TNFAIP1: variants seen among roughly 807,000 people sequenced by gnomAD.
TNFAIP1 encodes TNF alpha induced protein 1.
Under a neutral mutation model 32.6 loss-of-function variants are expected in TNFAIP1, and 20 were observed. The observed-to-expected ratio is 0.61, with a 90% CI of 0.43 to 0.89. TNFAIP1 has a LOEUF of 0.89. Ranked by LOEUF, TNFAIP1 falls within the 40% of genes least tolerant of loss-of-function variation. The pLI is 0.00. For missense variants in TNFAIP1, 319 were observed against 425.1 expected (o/e 0.75, Z 2.20); for synonymous variants, 166 against 166.8 (o/e 1.00, Z 0.04).
Position 28,344,687 on chromosome 17 carries a change from C to A in TNFAIP1, c.*87C>A. Reference sequence around the variant, plus strand: ...ATTGGCCACCCCATGCTGCTGCTGCCTGGGTCTCTGCTCTAGCACCCAGAG... The same window carrying A: ...ATTGGCCACCCCATGCTGCTGCTGCATGGGTCTCTGCTCTAGCACCCAGAG... On this transcript the variant is annotated 3_prime_UTR_variant, in exon 7 of 7. Transcript: ENST00000226225. The A allele has an allele frequency of 2.2e-6, 3 of 1,353,232 alleles. No individual in the cohort carries two copies. Among genetic ancestry groups the A allele is most frequent in the Non-Finnish European group, 2.1e-6 (2 of 966,746 alleles). 83.8% of individuals were successfully genotyped at this position (1,353,232 alleles called of 1,614,324 possible).
At chr17:28,341,358 G>T (rs1275810325) in intron 4 of TNFAIP1, 32 bp downstream of exon 4, 4 of 1,614,198 alleles carry the variant, frequency 2.5e-6, no homozygotes, top group African/African-American at 1.3e-5. Flanking sequence ...GCGGGCCGGG[G>T]ATGCCAGTCC....
At chr17:28,336,460 A>G (rs1190760409) in intron 1 of TNFAIP1, 7 of 152,218 alleles carry the variant, frequency 4.6e-5, no homozygotes, top group Non-Finnish European at 8.8e-5. Context: ...CAGGGGCTCA[A>G]AGCAATTGCT....
chr17:28,342,529 A>G lies in TNFAIP1; in HGVS notation c.714+87A>G. 1.5e-6 allele frequency: 2 copies of G among 1,328,432 alleles called. No homozygotes were observed. The highest frequency in any genetic ancestry group is 2.0e-6 in the Non-Finnish European group (2 of 990,028). 82.3% of individuals were successfully genotyped at this position (1,328,432 alleles called of 1,614,324 possible). ...GTCGGGCTGTGACCAGCACGGAGCA[A>G]AAGGGGCATGGACTTGGCTCTTTTT... On this transcript the variant is annotated intron_variant, in intron 6 of 6. Coordinates refer to ENST00000226225, the MANE Select transcript of TNFAIP1 (RefSeq NM_021137.5). The surrounding 1 kb of genome is among the most constrained non-coding windows in gnomAD (Gnocchi z 4.0).
chr17:28,337,355 A>G (rs1555577570), intron 1 of TNFAIP1, among the ~76,000 whole-genome samples: 4 of 151,920 alleles, frequency 2.6e-5, no homozygotes, highest in African/African-American at 9.7e-5. Flanking sequence ...ACTTCCCCCT[A>G]CTGTCTGTGC....
At chr17:28,337,493 C>T (rs970877967) in intron 1 of TNFAIP1, among the ~76,000 whole-genome samples, 19 of 152,106 alleles carry the variant, frequency 1.2e-4, no homozygotes, top group African/African-American at 4.1e-4. Context: ...CTCAGCCTCC[C>T]GAGCAGCTGG....
chr17:28,341,177 C>T, intron 3 of TNFAIP1, 60 bp from the exon 4 acceptor site: 6 of 1,591,558 alleles, frequency 3.8e-6, no homozygotes, highest in Non-Finnish European at 5.2e-6. Context: ...CAGAGGTATA[C>T]CTCGATAAGC....
chr17:28,338,463 G>A (rs1421192648), intron 1 of TNFAIP1, among the ~76,000 whole-genome samples: 1 of 149,510 alleles, frequency 6.7e-6, no homozygotes, highest in Non-Finnish European at 1.5e-5. Flanking sequence ...GCCAAGAAAG[G>A]GGAAGGTCAG....
At chr17:28,336,163 C>T (rs572394226) in intron 1 of TNFAIP1, among the ~76,000 whole-genome samples, 9 of 152,330 alleles carry the variant, frequency 5.9e-5, no homozygotes, top group African/African-American at 1.9e-4. Context: ...CGCCGTCCTC[C>T]GTGTCTGACG....
At position 28,346,449 on chromosome 17, in the gene TNFAIP1, T is replaced by C. The variant is rs1555578973; in HGVS notation, c.*1849T>C. ...TTCCCAGCTCCCCACTGAGGTGTTG[T>C]GATGCTTGCCTTTTGACCTCCCCAT... On this transcript the variant is annotated 3_prime_UTR_variant, in exon 7 of 7. Coordinates refer to ENST00000226225, the MANE Select transcript of TNFAIP1 (RefSeq NM_021137.5). 6.6e-6 allele frequency: 1 copy of C among 152,218 alleles called. No individual in the cohort carries two copies. Among genetic ancestry groups the C allele is most frequent in the Non-Finnish European group, 1.5e-5 (1 of 68,050 alleles). The allele number at this position is 152,218 out of a possible 1,614,324, so 9.4% of individuals were successfully genotyped here. A position where few individuals can be genotyped will look rare whatever the true frequency, so the allele number is the denominator to read the frequency against.
At chr17:28,343,628 C>T (rs1416184439) in intron 6 of TNFAIP1, among the ~76,000 whole-genome samples, 6 of 151,902 alleles carry the variant, frequency 3.9e-5, no homozygotes, top group African/African-American at 7.3e-5. Context: ...GATGCTGCGA[C>T]GGAAGTGGCA....
At position 28,342,152 on chromosome 17, in the gene TNFAIP1, G is replaced by A. The variant is rs917169716; in HGVS notation, c.519-95G>A. ...TGCTTTCATTTCGGCAGGACAGGAT[G>A]GGGGAAGGGAGGGAGGGGAGGGCCC... On this transcript the variant is annotated intron_variant, in intron 5 of 6. Coordinates refer to ENST00000226225, the MANE Select transcript of TNFAIP1 (RefSeq NM_021137.5). This position sits in a 1 kb window ranked among gnomAD's most constrained non-coding sequence, Gnocchi z 4.0. 2 of 1,134,140 alleles carry A rather than the reference G, an allele frequency of 1.8e-6. No individual in the cohort carries two copies. Among genetic ancestry groups the A allele is most frequent in the South Asian group, 1.7e-5 (1 of 58,930 alleles). The allele number at this position is 1,134,140 out of a possible 1,614,324, so 70.3% of individuals were successfully genotyped here.
chr17:28,339,755 G>C (rs1555577889), intron 2 of TNFAIP1, 29 bp downstream of exon 2: 1 of 1,605,218 alleles, frequency 6.2e-7, no homozygotes, highest in Non-Finnish European at 8.5e-7. Flanking sequence ...CGCTCGGGGT[G>C]GGGAGGGCAG....
In TNFAIP1 at chr17:28,340,542, T is replaced by C; in HGVS notation, c.375+64T>C. On this transcript the variant is annotated intron_variant, in intron 3 of 6. Transcript: ENST00000226225. This position sits in a 1 kb window ranked among gnomAD's most constrained non-coding sequence, Gnocchi z 4.1. ...CAGGAGTTGCCCCCTTCTTGTGGGA[T>C]GGAGGACTCTGGTTCCTGGCAGGTT... 1 of 1,567,718 alleles carries C rather than the reference T, an allele frequency of 6.4e-7. No individual in the cohort carries two copies. The highest frequency in any genetic ancestry group is 8.7e-7 in the Non-Finnish European group (1 of 1,147,164).
chr17:28,344,742 G>A lies in TNFAIP1; in HGVS notation c.*142G>A. On this transcript the variant is annotated 3_prime_UTR_variant, in exon 7 of 7. Transcript: ENST00000226225. ...GACAGGCCCTGCTCAGAGGTCAGAG[G>A]GTCTGGGCAGAGGAGGGACCACATT... 1.2e-6 allele frequency: 1 copy of A among 819,370 alleles called. No individual in the cohort carries two copies. The highest frequency in any genetic ancestry group is 1.9e-6 in the Non-Finnish European group (1 of 515,764). 50.8% of individuals were successfully genotyped at this position (819,370 alleles called of 1,614,324 possible).
At position 28,342,055 on chromosome 17, in the gene TNFAIP1, T is replaced by A. The variant is rs1907379962; in HGVS notation, c.519-192T>A. On this transcript the variant is annotated intron_variant, in intron 5 of 6. Coordinates refer to ENST00000226225, the MANE Select transcript of TNFAIP1 (RefSeq NM_021137.5). The surrounding 1 kb of genome is among the most constrained non-coding windows in gnomAD (Gnocchi z 4.0). ...CTACTTTGACTTAAAACCAACTGAG[T>A]TCCTTTTCCTCACAGGCCCCCCAAC... Among the ~76,000 whole-genome samples, 1 of 152,134 alleles carries A rather than the reference T, an allele frequency of 6.6e-6. No individual in the cohort carries two copies. The highest frequency in any genetic ancestry group is 2.1e-4 in the South Asian group (1 of 4,826).
At position 28,344,345 on chromosome 17, in the gene TNFAIP1, T is replaced by G. The variant is rs199850799; in HGVS notation, c.715-19T>G. The G allele has an allele frequency of 6.2e-7, 1 of 1,604,580 alleles. No individual in the cohort carries two copies. Among genetic ancestry groups the G allele is most frequent in the East Asian group, 2.2e-5 (1 of 44,700 alleles). On this transcript the variant is annotated intron_variant, in intron 6 of 6. Transcript: ENST00000226225. ...TTGAAGATGAAACCTTGCTCCACCT[T>G]CTTCCTCCCTAACCCCAGGTGGAAT...
chr17:28,339,569 G>C lies in TNFAIP1; in HGVS notation c.48G>C (p.Lys16Asn). 6.2e-7 allele frequency: 1 copy of C among 1,613,350 alleles called. No individual in the cohort carries two copies. The highest frequency in any genetic ancestry group is 8.5e-7 in the Non-Finnish European group (1 of 1,179,602). ...GCCCAGCCTCAGGGGCCAAGCCCAAGCTCAGTGGCTTCAAGGGAGGAGGGT... is the reference window on the plus strand; with the variant it reads ...GCCCAGCCTCAGGGGCCAAGCCCAACCTCAGTGGCTTCAAGGGAGGAGGGT... ...CLCPASGAKP[K>N]LSGFKGGGLG... The change falls in exon 2 of 7, where the codon AAG becomes AAC. Residue 16 changes from lysine (K) to asparagine (N), a missense_variant. Transcript: ENST00000226225.
intron 1 of TNFAIP1, among the ~76,000 whole-genome samples, chr17:28,339,171 A>G (rs1238446542): frequency 6.6e-6 from 1 of 150,760 alleles, no homozygotes; most frequent in Admixed American, 6.6e-5. Context: ...CTGGGAGGCA[A>G]AGGCTGCAGT....
intron 6 of TNFAIP1, among the ~76,000 whole-genome samples, chr17:28,343,555 G>A (rs564624464): frequency 3.9e-5 from 6 of 152,110 alleles, no homozygotes; most frequent in African/African-American, 1.4e-4. Flanking sequence ...GAGGGAGGGC[G>A]ACAGGTGGTT....
Sources: gnomAD v4.1 joint callset for allele counts (sites outside exome capture counted in the v4.1 genomes callset) on GRCh38, gnomAD v4.1.1 for gene constraint, Gnocchi (gnomAD v3.1) non-coding constraint, MANE v1.5 for transcripts, NCBI Gene and HGNC (gene_info 2026-07-23, HGNC 2026-07-21) for gene names.